GRM2: variants seen among roughly 807,000 people sequenced by gnomAD.
GRM2 encodes glutamate metabotropic receptor 2.
In GRM2, 35 loss-of-function variants were observed where a neutral mutation model predicts 60.4. That is an observed-to-expected ratio of 0.58 (90% CI 0.44 to 0.77). The LOEUF (loss-of-function observed/expected upper bound fraction) is 0.77. Ranked by LOEUF, GRM2 falls within the 30% of genes least tolerant of loss-of-function variation. GRM2 has a pLI of 0.00. For synonymous variants in GRM2, 437 were observed against 484.1 expected, an observed-to-expected ratio of 0.90 and a Z score of 1.28; for missense variants, 925 against 1,199.5, an observed-to-expected ratio of 0.77 and a Z score of 3.38.
In GRM2 at chr3:51,709,029, G is replaced by A; in HGVS notation, c.46G>A (p.Ala16Thr). ...ALLALLLLWG[A>T]VAEGPAKKVL... is the part of the protein sequence containing the mutation. Reference sequence around the variant, plus strand: ...CCTGGCACTGCTGCTGCTGTGGGGTGCTGTGGCTGAGGGCCCAGCCAAGAA... The same window carrying A: ...CCTGGCACTGCTGCTGCTGTGGGGTACTGTGGCTGAGGGCCCAGCCAAGAA... Residue 16 changes from alanine to threonine, a missense_variant, in exon 2 of 6, where the codon GCT (alanine) becomes ACT (threonine). Coordinates refer to ENST00000395052, the MANE Select transcript of GRM2 (RefSeq NM_000839.5). The A allele has an allele frequency of 1.3e-6, 2 of 1,598,530 alleles. No individual in the cohort carries two copies. Among genetic ancestry groups the A allele is most frequent in the Non-Finnish European group, 8.6e-7 (1 of 1,168,262 alleles).
At chr3:51,708,455 A>C (rs1029779767) in intron 1 of GRM2, 1 of 152,392 alleles carries the variant, frequency 6.6e-6, no homozygotes, top group Non-Finnish European at 1.5e-5. Flanking sequence ...GGGACCTCTG[A>C]GTTTGTGACT....
At position 51,717,848 on chromosome 3, in the gene GRM2, T is replaced by C. The variant is rs1703960838; in HGVS notation, c.2545+31T>C. ...TGTCCTAAGCAGCCCTCTCTGCCTG[T>C]TCCCCTCTCCCTGTCCAGCTCCTTG... On this transcript the variant is annotated intron_variant, in intron 5 of 5. Coordinates refer to ENST00000395052, the MANE Select transcript of GRM2 (RefSeq NM_000839.5). The surrounding 1 kb of genome is among the most constrained non-coding windows in gnomAD (Gnocchi z 6.0). The C allele has an allele frequency of 6.3e-7, 1 of 1,599,274 alleles. No individual in the cohort carries two copies. The highest frequency in any genetic ancestry group is 1.7e-5 in the Admixed American group (1 of 59,916).
Position 51,715,644 on chromosome 3 carries a change from T to C in GRM2, c.1871T>C (p.Ile624Thr). The C allele has an allele frequency of 1.2e-6, 2 of 1,614,234 alleles. No homozygotes were observed. The highest frequency in any genetic ancestry group is 1.7e-6 in the Non-Finnish European group (2 of 1,180,042). ...TGCTACTGCATGACCTTCATCTTCA[T>C]TGCCAAGCCATCCACGGCAGTGTGT... ...FLCYCMTFIFIAKPSTAVCTL... is the reference protein window; with the variant it reads ...FLCYCMTFIFTAKPSTAVCTL... The change falls in exon 4 of 6, where the codon ATT becomes ACT. Residue 624 changes from isoleucine to threonine, a missense_variant. By Grantham distance (89) the Ile-to-Thr change is moderately conservative (BLOSUM62 -1). Transcript: ENST00000395052. This position sits in a 1 kb window ranked among gnomAD's most constrained non-coding sequence, Gnocchi z 9.0.
chr3:51,707,407 CCTT>C (rs1703548813), intron 1 of GRM2: 1 of 153,408 alleles, frequency 6.5e-6, no homozygotes, highest in South Asian at 2.1e-4. Flanking sequence ...GTCCTCTGGT[CCTT>C]CTTTCTGTCT....
At position 51,718,241 on chromosome 3, in the gene GRM2, CACTT is replaced by C; in HGVS notation, c.*132_*135del. ...CCCACCCTATGTCTGCCCCCAAAGT[CACTT>C]ACCCACCTCCTTACCCCAGCTCTTC... On this transcript the variant is annotated 3_prime_UTR_variant, in exon 6 of 6. Coordinates refer to ENST00000395052, the MANE Select transcript of GRM2 (RefSeq NM_000839.5). The surrounding 1 kb of genome is among the most constrained non-coding windows in gnomAD (Gnocchi z 4.2). 1.3e-6 allele frequency: 1 copy of C among 797,190 alleles called. No homozygotes were observed. 49.4% of individuals were successfully genotyped at this position (797,190 alleles called of 1,614,324 possible). A position where few individuals can be genotyped will look rare whatever the true frequency, so the allele number is the denominator to read the frequency against.
In GRM2 at chr3:51,716,021, C is replaced by T. The variant is rs1329180037; in HGVS notation, c.2248C>T (p.Arg750Cys). ...CTGCACGCTTTATGCCTTCAAGACTCGCAAGTGCCCCGAAAACTTCAACGA... is the reference window on the plus strand; with the variant it reads ...CTGCACGCTTTATGCCTTCAAGACTTGCAAGTGCCCCGAAAACTTCAACGA... ...ALCTLYAFKT[R>C]KCPENFNEAK... The change falls in exon 4 of 6, where the codon CGC (arginine) becomes TGC (cysteine). Residue 750 changes from arginine (R) to cysteine (C), a missense_variant. Coordinates refer to ENST00000395052, the MANE Select transcript of GRM2 (RefSeq NM_000839.5). This position sits in a 1 kb window ranked among gnomAD's most constrained non-coding sequence, Gnocchi z 4.0. The T allele has an allele frequency of 6.2e-7, 1 of 1,614,230 alleles. No individual in the cohort carries two copies. The highest frequency in any genetic ancestry group is 2.2e-5 in the East Asian group (1 of 44,888).
Position 51,713,233 on chromosome 3 carries a change from C to G in GRM2, c.1211C>G (p.Thr404Ser), listed in dbSNP as rs1703784170. 1 of 1,613,134 alleles carries G rather than the reference C, an allele frequency of 6.2e-7. No individual in the cohort carries two copies. The highest frequency in any genetic ancestry group is 1.3e-5 in the African/African-American group (1 of 75,076). ...NMHRALCPNTTRLCDAMRPVN... is the reference protein window; with the variant it reads ...NMHRALCPNTSRLCDAMRPVN... The stretch of plus-strand genomic sequence containing the variant: ...CACCGTGCCCTCTGCCCCAACACCA[C>G]CCGGCTCTGTGACGCGATGCGGCCA... Residue 404 changes from threonine to serine, a missense_variant, in exon 3 of 6, where the codon ACC (threonine) becomes AGC (serine). Thr to Ser is a moderately conservative substitution (Grantham distance 58, BLOSUM62 1). Transcript: ENST00000395052. This position sits in a 1 kb window ranked among gnomAD's most constrained non-coding sequence, Gnocchi z 4.8.
chr3:51,715,946 G>C lies in GRM2; in HGVS notation c.2173G>C (p.Asp725His). The C allele has an allele frequency of 1.2e-6, 2 of 1,614,080 alleles. No individual in the cohort carries two copies. The highest frequency in any genetic ancestry group is 1.7e-6 in the Non-Finnish European group (2 of 1,180,038). Residue 725 changes from aspartate (D) to histidine (H), a missense_variant, in exon 4 of 6, where the codon GAT (aspartate) becomes CAT (histidine). Transcript: ENST00000395052. The surrounding 1 kb of genome is among the most constrained non-coding windows in gnomAD (Gnocchi z 9.0). ...EVVTLRCNHR[D>H]ASMLGSLAYN... ...GGTGACACTGCGCTGCAACCACCGC[G>C]ATGCAAGTATGTTGGGCTCGCTGGC...
At chr3:51,709,475 G>A (rs190149314) in intron 2 of GRM2, 42 bp downstream of exon 2, 7 of 1,382,564 alleles carry the variant, frequency 5.1e-6, no homozygotes, top group Admixed American at 2.5e-5. Context: ...GAGGGAGGCC[G>A]GAGGTGGTGA....
rs1703541843 is a variant in GRM2 at position 51,707,183 on chromosome 3, G to A, written c.-137+16G>A. On this transcript the variant is annotated intron_variant, in intron 1 of 5. Transcript: ENST00000395052. Reference sequence around the variant, plus strand: ...AGCGCGCCAGGTAGGGTGAGCCGGTGGTGGTGGTGCCGCTGCCGCTGCCGA... The same window carrying A: ...AGCGCGCCAGGTAGGGTGAGCCGGTAGTGGTGGTGCCGCTGCCGCTGCCGA... 2 of 142,768 alleles carry A rather than the reference G, an allele frequency of 1.4e-5. No individual in the cohort carries two copies. The highest frequency in any genetic ancestry group is 2.9e-5 in the Non-Finnish European group (2 of 67,964). 8.8% of individuals were successfully genotyped at this position (142,768 alleles called of 1,614,324 possible). A position where few individuals can be genotyped will look rare whatever the true frequency, so the allele number is the denominator to read the frequency against.
At position 51,713,882 on chromosome 3, in the gene GRM2, G is replaced by T. The variant is rs1394181647; in HGVS notation, c.1288+572G>T. 1.6e-5 allele frequency: 7 copies of T among 424,824 alleles called. No individual in the cohort carries two copies. Among genetic ancestry groups the T allele is most frequent in the Non-Finnish European group, 9.6e-6 (2 of 208,098 alleles). The allele number at this position is 424,824 out of a possible 1,614,324, so 26.3% of individuals were successfully genotyped here. A position where few individuals can be genotyped will look rare whatever the true frequency, so the allele number is the denominator to read the frequency against. ...AGCGATCCTTCTGCCTCAGTCTCCA[G>T]AGTAGCTAGGATGACAGGCATGTGG... is the stretch of plus-strand genomic sequence containing the variant. On this transcript the variant is annotated intron_variant, in intron 3 of 5. Coordinates refer to ENST00000395052, the MANE Select transcript of GRM2 (RefSeq NM_000839.5). This position sits in a 1 kb window ranked among gnomAD's most constrained non-coding sequence, Gnocchi z 4.8.
rs1490772324 is a variant in GRM2, at chr3:51,715,224, T to C, written c.1451T>C (p.Leu484Pro). 3 of 1,613,402 alleles carry C rather than the reference T, an allele frequency of 1.9e-6. No homozygotes were observed. The highest frequency in any genetic ancestry group is 2.5e-6 in the Non-Finnish European group (3 of 1,179,514). The change falls in exon 4 of 6, where the codon CTC becomes CCC. Residue 484 changes from leucine to proline, a missense_variant. Transcript: ENST00000395052. This position sits in a 1 kb window ranked among gnomAD's most constrained non-coding sequence, Gnocchi z 9.0. The stretch of plus-strand genomic sequence containing the variant: ...GAAGGCTTGACTCTGGACACCAGCC[T>C]CATCCCATGGGCCTCACCCTCAGCC... ...WAEGLTLDTSLIPWASPSAGP... is the reference protein window; with the variant it reads ...WAEGLTLDTSPIPWASPSAGP...
At position 51,716,424 on chromosome 3, in the gene GRM2, G is replaced by C. The variant is rs1321718739; in HGVS notation, c.2364+287G>C. Reference sequence around the variant, plus strand: ...GTGCAGAAATATGTTCAAATGGACAGGGTTCTGCCCTGCTCCACTGAGGGG... The same window carrying C: ...GTGCAGAAATATGTTCAAATGGACACGGTTCTGCCCTGCTCCACTGAGGGG... On this transcript the variant is annotated intron_variant, in intron 4 of 5. Transcript: ENST00000395052. The surrounding 1 kb of genome is among the most constrained non-coding windows in gnomAD (Gnocchi z 4.0). 6.6e-6 allele frequency among the ~76,000 whole-genome samples: 1 copy of C among 152,204 alleles called. No individual in the cohort carries two copies. The highest frequency in any genetic ancestry group is 1.9e-4 in the East Asian group (1 of 5,186).
At position 51,715,756 on chromosome 3, in the gene GRM2, C is replaced by T. The variant is rs566744676; in HGVS notation, c.1983C>T (p.Phe661=). 87 of 1,613,816 alleles carry T rather than the reference C, an allele frequency of 5.4e-5. No homozygotes were observed. Among genetic ancestry groups the T allele is most frequent in the Non-Finnish European group, 6.5e-5 (77 of 1,179,780 alleles). ...AGACCAACCGCATTGCACGCATCTTCGGTGGGGCCCGGGAGGGTGCCCAGC... is the reference window on the plus strand; with the variant it reads ...AGACCAACCGCATTGCACGCATCTTTGGTGGGGCCCGGGAGGGTGCCCAGC... ...LTKTNRIARI[F]GGAREGAQRP... Residue 661 remains phenylalanine, a synonymous_variant, in exon 4 of 6, where the codon TTC becomes TTT. Transcript: ENST00000395052. This position sits in a 1 kb window ranked among gnomAD's most constrained non-coding sequence, Gnocchi z 9.0.
Position 51,715,231 on chromosome 3 carries a change from A to G in GRM2, c.1458A>G (p.Pro486=), listed in dbSNP as rs1267724002. The change falls in exon 4 of 6, where the codon CCA becomes CCG. Residue 486 remains proline, a synonymous_variant. Transcript: ENST00000395052. This position sits in a 1 kb window ranked among gnomAD's most constrained non-coding sequence, Gnocchi z 9.0. The part of the protein sequence containing the change: ...EGLTLDTSLI[P]WASPSAGPLP... ...TGACTCTGGACACCAGCCTCATCCC[A>G]TGGGCCTCACCCTCAGCCGGCCCCC... 6 of 1,612,674 alleles carry G rather than the reference A, an allele frequency of 3.7e-6. No homozygotes were observed. The highest frequency in any genetic ancestry group is 2.2e-5 in the East Asian group (1 of 44,858).
Position 51,715,464 on chromosome 3 carries a change from G to A in GRM2, c.1691G>A (p.Gly564Asp). 6.2e-7 allele frequency: 1 copy of A among 1,612,758 alleles called. No individual in the cohort carries two copies. Among genetic ancestry groups the A allele is most frequent in the Non-Finnish European group, 8.5e-7 (1 of 1,179,886 alleles). ...CTGCCCCAGGAGTACATCCGCTGGGGCGATGCCTGGGCTGTGGGACCTGTC... is the reference window on the plus strand; with the variant it reads ...CTGCCCCAGGAGTACATCCGCTGGGACGATGCCTGGGCTGTGGGACCTGTC... ...FELPQEYIRW[G>D]DAWAVGPVTI... The change falls in exon 4 of 6, where the codon GGC becomes GAC. Residue 564 changes from glycine to aspartate, a missense_variant. Transcript: ENST00000395052. The surrounding 1 kb of genome is among the most constrained non-coding windows in gnomAD (Gnocchi z 9.0).
Position 51,708,854 on chromosome 3 carries a change from G to C in GRM2, c.-130G>C, listed in dbSNP as rs900474224. ...TCTTTCTATCTCTCTGCAGGAGCTGGGTCCCTTCGCATCTCTCTTCTTGTC... is the reference window on the plus strand; with the variant it reads ...TCTTTCTATCTCTCTGCAGGAGCTGCGTCCCTTCGCATCTCTCTTCTTGTC... On this transcript the variant is annotated 5_prime_UTR_variant, in exon 2 of 6. Coordinates refer to ENST00000395052, the MANE Select transcript of GRM2 (RefSeq NM_000839.5). 6 of 652,744 alleles carry C rather than the reference G, an allele frequency of 9.2e-6. No homozygotes were observed. The highest frequency in any genetic ancestry group is 1.5e-5 in the Non-Finnish European group (6 of 395,460). 40.4% of individuals were successfully genotyped at this position (652,744 alleles called of 1,614,324 possible). A position where few individuals can be genotyped will look rare whatever the true frequency, so the allele number is the denominator to read the frequency against.
In GRM2 at chr3:51,713,033, G is replaced by C. The variant is rs1385154627; in HGVS notation, c.1011G>C (p.Trp337Cys). 8 of 1,613,176 alleles carry C rather than the reference G, an allele frequency of 5.0e-6. No homozygotes were observed. Among genetic ancestry groups the C allele is most frequent in the Non-Finnish European group, 6.8e-6 (8 of 1,180,040 alleles). ...CCTACTTCCAGAGCCTGGACCCTTG[G>C]AACAACAGCCGGAACCCCTGGTTCC... is the stretch of plus-strand genomic sequence containing the variant. ...FASYFQSLDP[W>C]NNSRNPWFRE... Residue 337 changes from tryptophan (W) to cysteine (C), a missense_variant, in exon 3 of 6, where the codon TGG becomes TGC. Physicochemically the swap from Trp to Cys is radical, Grantham distance 215. Transcript: ENST00000395052. This position sits in a 1 kb window ranked among gnomAD's most constrained non-coding sequence, Gnocchi z 4.8.
Position 51,709,231 on chromosome 3 carries a change from G to T in GRM2, c.248G>T (p.Arg83Leu). The change falls in exon 2 of 6, where the codon CGC (arginine) becomes CTC (leucine). Residue 83 changes from arginine (R) to leucine (L), a missense_variant. Transcript: ENST00000395052. The stretch of plus-strand genomic sequence containing the variant: ...GACCCGCACCTGCTGCCTGGCGTGC[G>T]CCTGGGTGCACACATCCTCGACAGT... ...NRDPHLLPGV[R>L]LGAHILDSCS... 1 of 1,608,122 alleles carries T rather than the reference G, an allele frequency of 6.2e-7. No homozygotes were observed. Among genetic ancestry groups the T allele is most frequent in the South Asian group, 1.1e-5 (1 of 91,014 alleles).
Sources: allele counts gnomAD v4.1 joint callset (sites outside exome capture counted in the v4.1 genomes callset), GRCh38; gene constraint gnomAD v4.1.1; non-coding constraint Gnocchi (gnomAD v3.1); transcripts MANE v1.5; gene names NCBI Gene and HGNC (gene_info 2026-07-23, HGNC 2026-07-21).